Variants in TENM4 observed in about 807,000 individuals in gnomAD.
TENM4 encodes teneurin transmembrane protein 4.
A neutral mutation model predicts 243.3 loss-of-function variants in TENM4; 82 were observed. That is an observed-to-expected ratio of 0.34 (90% CI 0.28 to 0.40). The LOEUF (loss-of-function observed/expected upper bound fraction) is 0.40, where lower values mean the gene tolerates loss of function less well. TENM4 is among the 10% of genes least tolerant of loss of function. TENM4 has a pLI of 1.00. For synonymous variants in TENM4, 1,412 were observed against 1,456.3 expected, an observed-to-expected ratio of 0.97 and a Z score of 0.69; for missense variants, 3,138 against 3,673.3, an observed-to-expected ratio of 0.85 and a Z score of 3.77.
At chr11:78,715,289 T>C (rs1859496249) in intron 25 of TENM4, among the ~76,000 whole-genome samples, 1 of 152,214 alleles carries the variant, frequency 6.6e-6, no homozygotes. Context: ...GCAGCCTTGA[T>C]CTTTCTGCTT....
At chr11:78,904,982 T>G (rs1469198613) in intron 6 of TENM4, among the ~76,000 whole-genome samples, 12 of 152,314 alleles carry the variant, frequency 7.9e-5, no homozygotes, top group Admixed American at 7.8e-4. Flanking sequence ...CTAACCTAGA[T>G]TCTACCACTT....
At chr11:79,026,801 A>G (rs947421184) in intron 6 of TENM4, among the ~76,000 whole-genome samples, 1 of 152,168 alleles carries the variant, frequency 6.6e-6, no homozygotes, top group Non-Finnish European at 1.5e-5. Flanking sequence ...TGAATTAATC[A>G]AGATGATCAC....
chr11:78,732,007 G>A (rs1355659942), intron 21 of TENM4, among the ~76,000 whole-genome samples: 1 of 152,188 alleles, frequency 6.6e-6, no homozygotes, highest in Non-Finnish European at 1.5e-5. Context: ...ACAGGAGGCT[G>A]GGGAAAAGGA....
At chr11:78,693,006 T>A (rs1565334853) in intron 28 of TENM4, among the ~76,000 whole-genome samples, 1 of 152,226 alleles carries the variant, frequency 6.6e-6, no homozygotes, top group African/African-American at 2.4e-5. Context: ...TGTCTCCTCC[T>A]AATATAAGCT....
At chr11:78,786,621 C>G (rs1856941048) in intron 16 of TENM4, among the ~76,000 whole-genome samples, 1 of 152,254 alleles carries the variant, frequency 6.6e-6, no homozygotes, top group Non-Finnish European at 1.5e-5. Flanking sequence ...CAGATCCATA[C>G]CGCATGTAGC....
At chr11:79,341,148 C>A (rs1295081038) in intron 1 of TENM4, among the ~76,000 whole-genome samples, 1 of 152,158 alleles carries the variant, frequency 6.6e-6, no homozygotes, top group Non-Finnish European at 1.5e-5. Flanking sequence ...AGGAACCAGC[C>A]CTGCCAACGC....
chr11:79,134,610 T>A (rs1279663603), intron 4 of TENM4, among the ~76,000 whole-genome samples: 1 of 152,104 alleles, frequency 6.6e-6, no homozygotes, highest in Non-Finnish European at 1.5e-5. Flanking sequence ...TATAAGGCCA[T>A]AGTCACCAAA....
intron 30 of TENM4, among the ~76,000 whole-genome samples, chr11:78,674,994 T>C (rs981927495): frequency 3.9e-5 from 6 of 152,024 alleles, no homozygotes; most frequent in African/African-American, 1.4e-4. Context: ...GCCTCCTGAG[T>C]AGCTAGGATT....
chr11:79,051,292 G>A (rs1450686044), intron 6 of TENM4, among the ~76,000 whole-genome samples: 1 of 152,144 alleles, frequency 6.6e-6, no homozygotes, highest in African/African-American at 2.4e-5. Flanking sequence ...TGAGAAGACC[G>A]AGGCATGGAG....
intron 6 of TENM4, among the ~76,000 whole-genome samples, chr11:78,960,928 CCTT>C (rs199905208): frequency 0.019 from 2,933 of 152,318 alleles, 43 homozygotes; most frequent in Non-Finnish European, 0.029. Context: ...TTACCACACT[CCTT>C]CTGTGTTCCA....
intron 1 of TENM4, among the ~76,000 whole-genome samples, chr11:79,324,228 T>A (rs1856937829): frequency 6.6e-6 from 1 of 152,162 alleles, no homozygotes. Context: ...AAATTTATTG[T>A]TATTGTTTTT....
intron 15 of TENM4, among the ~76,000 whole-genome samples, chr11:78,795,388 G>T (rs1857140846): frequency 6.6e-6 from 1 of 152,192 alleles, no homozygotes; most frequent in African/African-American, 2.4e-5. Context: ...TCAAGATTCT[G>T]TGATTTTTCA....
intron 2 of TENM4, among the ~76,000 whole-genome samples, chr11:79,216,965 C>T (rs1227581804): frequency 1.3e-5 from 2 of 152,076 alleles, no homozygotes; most frequent in Admixed American, 1.3e-4. Context: ...GGTTCTGGCC[C>T]AGCTGCTGAT....
chr11:78,754,494 G>T (rs891802817), intron 19 of TENM4, among the ~76,000 whole-genome samples: 1 of 152,308 alleles, frequency 6.6e-6, no homozygotes, highest in Non-Finnish European at 1.5e-5. Context: ...CCAGTAAGCA[G>T]AACAGCCATA....
intron 12 of TENM4, among the ~76,000 whole-genome samples, chr11:78,826,250 G>T (rs1056724283): frequency 3.3e-5 from 5 of 151,940 alleles, no homozygotes; most frequent in Non-Finnish European, 2.9e-5. Flanking sequence ...ACCACGCCTG[G>T]CTAATTTTTT....
intron 12 of TENM4, among the ~76,000 whole-genome samples, chr11:78,827,514 AGTTTTGCTCTT>A (rs936341730): frequency 1.6e-5 from 2 of 121,414 alleles, no homozygotes; most frequent in Non-Finnish European, 3.6e-5. Flanking sequence ...TATTTGATGG[AGTTTTGCTCTT>A]GTTGGCCAGG....
At chr11:79,083,141 A>G (rs975726975) in intron 4 of TENM4, among the ~76,000 whole-genome samples, 1 of 152,170 alleles carries the variant, frequency 6.6e-6, no homozygotes, top group Non-Finnish European at 1.5e-5. Context: ...AAAGAAAGGG[A>G]TTCTCCAGGG....
chr11:79,214,930 C>T (rs1048198290), intron 3 of TENM4, among the ~76,000 whole-genome samples: 5 of 152,216 alleles, frequency 3.3e-5, no homozygotes, highest in Non-Finnish European at 5.9e-5. Flanking sequence ...AATAAACTTC[C>T]GCTATGTTAA....
chr11:79,402,661 T>A (rs1858486524), intron 1 of TENM4, among the ~76,000 whole-genome samples: 1 of 152,122 alleles, frequency 6.6e-6, no homozygotes, highest in Non-Finnish European at 1.5e-5. Flanking sequence ...TTCCCCAATT[T>A]TACTACAAAC....
Sources: allele counts gnomAD v4.1 joint callset (sites outside exome capture counted in the v4.1 genomes callset), GRCh38; gene constraint gnomAD v4.1.1; transcripts MANE v1.5; gene names NCBI Gene and HGNC (gene_info 2026-07-23, HGNC 2026-07-21).